MZB1: variants seen among roughly 807,000 people sequenced by gnomAD.
MZB1 encodes marginal zone B- and B1-cell-specific protein.
Under a neutral mutation model 17.2 loss-of-function variants are expected in MZB1, and 10 were observed. The ratio of observed to expected loss-of-function variants is 0.58; its 90% CI spans 0.36 to 0.98. The LOEUF (loss-of-function observed/expected upper bound fraction) is 0.98, where lower values mean the gene tolerates loss of function less well. MZB1 is among the 50% of genes least tolerant of loss of function. The probability of loss-of-function intolerance (pLI) is 0.01; values close to 1 mark genes in which losing one functional copy is unlikely to be tolerated. For missense variants in MZB1, 246 were observed against 237.5 expected, an observed-to-expected ratio of 1.04 and a Z score of -0.23; for synonymous variants, 99 against 98.7, an observed-to-expected ratio of 1.00 and a Z score of -0.02.
In MZB1 at chr5:139,388,459, A is replaced by T; in HGVS notation, c.302+2T>A. 1 of 1,598,810 alleles carries T rather than the reference A, an allele frequency of 6.3e-7. No homozygotes were observed. Among genetic ancestry groups the T allele is most frequent in the Non-Finnish European group, 8.5e-7 (1 of 1,173,670 alleles). Reference sequence around the variant, plus strand: ...AGGTGGGGGGCAGGATTGGCAACTCACTCCTGCCAGTTCCGGGAGCAGCTC... The same window carrying T: ...AGGTGGGGGGCAGGATTGGCAACTCTCTCCTGCCAGTTCCGGGAGCAGCTC... On this transcript the variant is annotated splice_donor_variant, in intron 2 of 3. Transcript: ENST00000302125. LOFTEE classifies it high-confidence loss of function.
Position 139,387,854 on chromosome 5 carries a change from G to C in MZB1, c.481C>G (p.Gln161Glu), listed in dbSNP as rs1192372373. 1 of 1,606,936 alleles carries C rather than the reference G, an allele frequency of 6.2e-7. No homozygotes were observed. The highest frequency in any genetic ancestry group is 8.5e-7 in the Non-Finnish European group (1 of 1,177,114). Reference protein sequence around the residue: ...GEDQIYEAHQQGRGALEALLC... With the variant: ...GEDQIYEAHQEGRGALEALLC... ...AATGCCTCCAGAGCCCCTCGGCCTTGTTGGTGGGCTTCATAGATCTGGTCT... is the reference window on the plus strand; with the variant it reads ...AATGCCTCCAGAGCCCCTCGGCCTTCTTGGTGGGCTTCATAGATCTGGTCT... The change falls in exon 4 of 4, where the codon CAA becomes GAA. Residue 161 changes from glutamine to glutamate, a missense_variant. Gln to Glu is a conservative substitution (Grantham distance 29). Transcript: ENST00000302125.
In MZB1 at chr5:139,387,672, C is replaced by T. The variant is rs1758537137; in HGVS notation, c.*93G>A. The T allele has an allele frequency of 6.9e-7, 1 of 1,440,174 alleles. No individual in the cohort carries two copies. The highest frequency in any genetic ancestry group is 9.2e-7 in the Non-Finnish European group (1 of 1,091,730). 89.2% of individuals were successfully genotyped at this position (1,440,174 alleles called of 1,614,324 possible). ...AGGGAGGCAGGATGGCAGCACAGAG[C>T]AAGGGCTTCCTGCCCTCCTGGCTGC... is the stretch of plus-strand genomic sequence containing the variant. On this transcript the variant is annotated 3_prime_UTR_variant, in exon 4 of 4. Coordinates refer to ENST00000302125, the MANE Select transcript of MZB1 (RefSeq NM_016459.4).
rs943088848 is a variant in MZB1 at position 139,389,833 on chromosome 5, C to CAGCAGT, written c.18_23dup (p.Leu11_Leu12dup). ...TGGCCCAGGCTCCCAGCAGCAGCAG[C>CAGCAGT]AGCAGTGGCAGTGACAGCCTCATGG... On this transcript the variant is annotated inframe_insertion, in exon 1 of 4. Transcript: ENST00000302125. 28 of 1,547,648 alleles carry CAGCAGT rather than the reference C, an allele frequency of 1.8e-5. No homozygotes were observed. The African/African-American group carries it at 3.4e-4, about 19-fold the overall frequency.
At position 139,388,368 on chromosome 5, in the gene MZB1, A is replaced by AGT. The variant is rs1377378689; in HGVS notation, c.302+91_302+92dup. 3.7e-6 allele frequency: 5 copies of AGT among 1,342,660 alleles called. No homozygotes were observed. The African/African-American group carries it at 4.3e-5, about 12-fold the overall frequency. The allele number at this position is 1,342,660 out of a possible 1,614,324, so 83.2% of individuals were successfully genotyped here. On this transcript the variant is annotated intron_variant, in intron 2 of 3. Coordinates refer to ENST00000302125, the MANE Select transcript of MZB1 (RefSeq NM_016459.4). The stretch of plus-strand genomic sequence containing the variant: ...CTCCCTTGGACCAGAGTCCTAGAGG[A>AGT]GTGTGTGTGTTGTGTGAGCGGCTGA...
chr5:139,388,230 A>C (rs562585667), intron 2 of MZB1, 99 bp from the exon 3 acceptor site: 50 of 1,257,614 alleles, frequency 4.0e-5, no homozygotes, highest in Non-Finnish European at 5.4e-5. Flanking sequence ...GCATTTGTGG[A>C]ATTCAGAGAG....
In MZB1 at chr5:139,389,673, G is replaced by GACTC; in HGVS notation, c.177+3_177+6dup. 1 of 1,586,832 alleles carries GACTC rather than the reference G, an allele frequency of 6.3e-7. No homozygotes were observed. Among genetic ancestry groups the GACTC allele is most frequent in the Non-Finnish European group, 8.6e-7 (1 of 1,166,888 alleles). On this transcript the variant is annotated splice_region_variant and intron_variant, in intron 1 of 3. Coordinates refer to ENST00000302125, the MANE Select transcript of MZB1 (RefSeq NM_016459.4). ...GCAGGGCAGGGTGACAGTGGTGAAGGACTCACCTGGTAAGCCACAGCTCTG... is the reference window on the plus strand; with the variant it reads ...GCAGGGCAGGGTGACAGTGGTGAAGGACTCACTCACCTGGTAAGCCACAGCTCTG...
rs1758580243 is a variant in MZB1, at chr5:139,389,802, CT to C, written c.54del (p.Gly20AlafsTer63). ...LLLLLGAWAI[P>X]GGLGDRAPLT... ...AGTGGCGCCCTGTCCCCGAGGCCCCCTGGGATGGCCCAGGCTCCCAGCAGCA... is the reference window on the plus strand; with the variant it reads ...AGTGGCGCCCTGTCCCCGAGGCCCCCGGGATGGCCCAGGCTCCCAGCAGCA... On this transcript the variant is annotated frameshift_variant, in exon 1 of 4. Coordinates refer to ENST00000302125, the MANE Select transcript of MZB1 (RefSeq NM_016459.4). LOFTEE classifies it high-confidence loss of function. 4 of 1,550,892 alleles carry C rather than the reference CT, an allele frequency of 2.6e-6. No homozygotes were observed. The South Asian group carries it at 4.8e-5, about 18-fold the overall frequency.
In MZB1 at chr5:139,388,465, GC is replaced by G; in HGVS notation, c.297del (p.Trp99CysfsTer12). 1 of 1,603,406 alleles carries G rather than the reference GC, an allele frequency of 6.2e-7. No homozygotes were observed. The highest frequency in any genetic ancestry group is 8.5e-7 in the Non-Finnish European group (1 of 1,175,310). On this transcript the variant is annotated frameshift_variant, in exon 2 of 4. Coordinates refer to ENST00000302125, the MANE Select transcript of MZB1 (RefSeq NM_016459.4). LOFTEE classifies it high-confidence loss of function. ...GGGGCAGGATTGGCAACTCACTCCT[GC>G]CAGTTCCGGGAGCAGCTCCGGTCCA... ...DVLDRSCSRN[W>X]QDYGVREVDQ... is the part of the protein sequence containing the mutation.
At chr5:139,387,962 A>G in intron 3 of MZB1, 41 bp from the exon 4 acceptor site, 1 of 1,580,666 alleles carries the variant, frequency 6.3e-7, no homozygotes, top group Non-Finnish European at 8.6e-7. Context: ...TGCCCAGCCC[A>G]CAGTGGGGCA....
intron 3 of MZB1, 32 bp from the exon 4 acceptor site, chr5:139,387,953 GC>G: frequency 6.3e-7 from 1 of 1,580,162 alleles, no homozygotes; most frequent in Non-Finnish European, 8.6e-7. Context: ...CTCAGATGCT[GC>G]CCAGCCCACA....
rs756680416 is a variant in MZB1, at chr5:139,387,874, T to C, written c.461A>G (p.Gln154Arg). The C allele has an allele frequency of 1.2e-6, 2 of 1,605,360 alleles. No individual in the cohort carries two copies. Among genetic ancestry groups the C allele is most frequent in the South Asian group, 1.1e-5 (1 of 89,998 alleles). Reference sequence around the variant, plus strand: ...GCCTTGTTGGTGGGCTTCATAGATCTGGTCTTCTCCAAACTCCCCCAAGTA... The same window carrying C: ...GCCTTGTTGGTGGGCTTCATAGATCCGGTCTTCTCCAAACTCCCCCAAGTA... ...LHYLGEFGED[Q>R]IYEAHQQGRG... is the part of the protein sequence containing the mutation. The change falls in exon 4 of 4, where the codon CAG becomes CGG. Residue 154 changes from glutamine (Q) to arginine (R), a missense_variant. By Grantham distance (43) the Gln-to-Arg change is conservative. Coordinates refer to ENST00000302125, the MANE Select transcript of MZB1 (RefSeq NM_016459.4).
intron 1 of MZB1, chr5:139,389,290 C>A: frequency 2.4e-6 from 1 of 423,868 alleles, no homozygotes; most frequent in Non-Finnish European, 4.7e-6. Context: ...GCATGCTCAG[C>A]AGGTGTGTGT....
Position 139,388,604 on chromosome 5 carries a change from G to C in MZB1, c.178-19C>G. On this transcript the variant is annotated intron_variant, in intron 1 of 3. Transcript: ENST00000302125. ...GCCACATCTGGAACAAGGAGGGACT[G>C]GGAGGCAGGGCCTCAGGACTGCTGC... The C allele has an allele frequency of 6.2e-7, 1 of 1,602,076 alleles. No homozygotes were observed. The highest frequency in any genetic ancestry group is 8.5e-7 in the Non-Finnish European group (1 of 1,174,312).
In MZB1 at chr5:139,388,531, C is replaced by T. The variant is rs377114469; in HGVS notation, c.232G>A (p.Gly78Arg). Residue 78 changes from glycine to arginine, a missense_variant, in exon 2 of 4, where the codon GGG becomes AGG. Physicochemically the swap from Gly to Arg is moderately radical, Grantham distance 125 (BLOSUM62 -2). Transcript: ENST00000302125. ...ETKLHTSNSG[G>R]RRELSELVYT... ...ACCAACTCGCTCAGCTCCCGCCGCC[C>T]CCCAGAGTTTGAGGTATGAAGTTTG... The T allele has an allele frequency of 6.2e-7, 1 of 1,600,902 alleles. No individual in the cohort carries two copies. Among genetic ancestry groups the T allele is most frequent in the African/African-American group, 1.3e-5 (1 of 74,694 alleles).
chr5:139,389,396 A>C, intron 1 of MZB1: 1 of 631,520 alleles, frequency 1.6e-6, no homozygotes, highest in Non-Finnish European at 2.9e-6. Context: ...AGGGTTGGGG[A>C]GGGAGTCCGG....
intron 1 of MZB1, chr5:139,389,348 C>A: frequency 1.8e-6 from 1 of 554,404 alleles, no homozygotes; most frequent in Non-Finnish European, 3.4e-6. Flanking sequence ...CACACGTGTG[C>A]ACTTGCACCA....
chr5:139,389,321 A>C, intron 1 of MZB1: 1 of 488,452 alleles, frequency 2.0e-6, no homozygotes, highest in South Asian at 1.6e-5. Context: ...ACACACGCAT[A>C]CTCACGTGCA....
At chr5:139,389,652 G>A in intron 1 of MZB1, 28 bp downstream of exon 1, 1 of 1,576,064 alleles carries the variant, frequency 6.3e-7, no homozygotes, top group South Asian at 1.2e-5. Context: ...GTGTGAGCAG[G>A]GCAGGGTGAC....
In MZB1 at chr5:139,388,577, T is replaced by G. The variant is rs764993306; in HGVS notation, c.186A>C (p.Gln62His). 1.2e-6 allele frequency: 2 copies of G among 1,603,510 alleles called. No homozygotes were observed. The highest frequency in any genetic ancestry group is 2.7e-5 in the African/African-American group (2 of 74,894). ...ACRAVAYQMW[Q>H]NLAKAETKLH... is the part of the protein sequence containing the mutation. ...GTTTGGTCTCTGCCTTTGCCAGATT[T>G]TGCCACATCTGGAACAAGGAGGGAC... Residue 62 changes from glutamine (Q) to histidine (H), a missense_variant, in exon 2 of 4, where the codon CAA (glutamine) becomes CAC (histidine). Gln to His is a conservative substitution (Grantham distance 24, BLOSUM62 0). Transcript: ENST00000302125.
Sources: gnomAD v4.1 joint callset for allele counts on GRCh38, gnomAD v4.1.1 for gene constraint, MANE v1.5 for transcripts, NCBI Gene and HGNC (gene_info 2026-07-23, HGNC 2026-07-21) for gene names.